The following GPATCH2 variants were observed in gnomAD, a reference collection of about 807,000 sequenced individuals.
GPATCH2 encodes G patch domain-containing protein 2.
Under a neutral mutation model 58.0 loss-of-function variants are expected in GPATCH2, and 51 were observed. The ratio of observed to expected loss-of-function variants is 0.88; its 90% CI spans 0.70 to 1.11. GPATCH2 has a LOEUF of 1.11. Ranked by LOEUF, GPATCH2 falls within the 50% of genes most tolerant of loss-of-function variation. The pLI, the probability that GPATCH2 is intolerant of heterozygous loss-of-function variation, is 0.00. For synonymous variants in GPATCH2, 222 were observed against 218.5 expected (o/e 1.02, Z -0.14); for missense variants, 625 against 652.2 (o/e 0.96, Z 0.45).
intron 5 of GPATCH2, among the ~76,000 whole-genome samples, chr1:217,570,717 G>A (rs569336780): frequency 1.2e-3 from 185 of 152,216 alleles, no homozygotes; most frequent in African/African-American, 4.2e-3. Flanking sequence ...GAAGACCTAG[G>A]AACAGAGACG....
chr1:217,484,557 T>TATAC (rs1661361759), intron 8 of GPATCH2, among the ~76,000 whole-genome samples: 1 of 13,460 alleles, frequency 7.4e-5, no homozygotes, highest in Non-Finnish European at 2.8e-4. Context: ...TATAATTATT[T>TATAC]ATATATATAT....
In GPATCH2 at chr1:217,491,674, G is replaced by T; in HGVS notation, c.1277+6C>A. ...AATGAATAAAAAGCGATTTTGAATT[G>T]CTTACCTGCTGGCTGTTCTCACAGA... On this transcript the variant is annotated splice_donor_region_variant and intron_variant, in intron 8 of 9. Transcript: ENST00000366935. 7.2e-7 allele frequency: 1 copy of T among 1,390,166 alleles called. No homozygotes were observed. The highest frequency in any genetic ancestry group is 1.0e-6 in the Non-Finnish European group (1 of 989,436). 86.1% of individuals were successfully genotyped at this position (1,390,166 alleles called of 1,614,324 possible).
intron 8 of GPATCH2, among the ~76,000 whole-genome samples, chr1:217,475,050 T>C (rs1660908802): frequency 1.3e-5 from 2 of 152,146 alleles, no homozygotes; most frequent in South Asian, 4.1e-4. Flanking sequence ...CCTTTTCAAG[T>C]TGCCCTGTGC....
At chr1:217,459,849 T>C (rs1660122513) in intron 8 of GPATCH2, among the ~76,000 whole-genome samples, 1 of 152,158 alleles carries the variant, frequency 6.6e-6, no homozygotes, top group South Asian at 2.1e-4. Context: ...TTTGTTGAAT[T>C]GACCTTTTAC....
At chr1:217,562,948 T>C (rs78093990) in intron 5 of GPATCH2, among the ~76,000 whole-genome samples, 5,547 of 152,292 alleles carry the variant, frequency 0.036, 119 homozygotes, top group Middle Eastern at 0.085. Flanking sequence ...AACACACTAT[T>C]TTTGTTCTAT....
chr1:217,614,214 A>T lies in GPATCH2; in HGVS notation c.774-12T>A. The T allele has an allele frequency of 6.7e-7, 1 of 1,499,780 alleles. No individual in the cohort carries two copies. The highest frequency in any genetic ancestry group is 9.3e-7 in the Non-Finnish European group (1 of 1,080,138). 92.9% of individuals were successfully genotyped at this position (1,499,780 alleles called of 1,614,324 possible). On this transcript the variant is annotated splice_polypyrimidine_tract_variant and intron_variant, in intron 2 of 9. Coordinates refer to ENST00000366935, the MANE Select transcript of GPATCH2 (RefSeq NM_018040.5). The stretch of plus-strand genomic sequence containing the variant: ...GACTGCTGGAATCACTGTAATAAGG[A>T]AAAAGAAAGAAACAGATCAAAAGAA...
intron 2 of GPATCH2, among the ~76,000 whole-genome samples, chr1:217,618,449 C>G (rs1351099125): frequency 2.6e-5 from 4 of 151,876 alleles, no homozygotes; most frequent in African/African-American, 9.7e-5. Flanking sequence ...CTCAGGTGAT[C>G]CACCAGCCTC....
chr1:217,525,147 TAAG>T (rs1049468633), intron 5 of GPATCH2, among the ~76,000 whole-genome samples: 3 of 151,868 alleles, frequency 2.0e-5, no homozygotes, highest in African/African-American at 7.2e-5. Context: ...ACATTTATTT[TAAG>T]AAGTGATTGT....
chr1:217,541,893 G>A (rs189507103), intron 5 of GPATCH2, among the ~76,000 whole-genome samples: 1 of 152,248 alleles, frequency 6.6e-6, no homozygotes, highest in East Asian at 1.9e-4. Flanking sequence ...GGAATAAAAT[G>A]TTCAAGCCTC....
At chr1:217,504,476 G>T (rs371028576) in intron 6 of GPATCH2, among the ~76,000 whole-genome samples, 1 of 152,160 alleles carries the variant, frequency 6.6e-6, no homozygotes, top group East Asian at 1.9e-4. Flanking sequence ...AACACTAACA[G>T]AAATAGTGGT....
At chr1:217,591,139 C>T (rs1667570485) in intron 5 of GPATCH2, among the ~76,000 whole-genome samples, 1 of 152,052 alleles carries the variant, frequency 6.6e-6, no homozygotes, top group South Asian at 2.1e-4. Context: ...GAAAAGTTAA[C>T]TGTTAAACAG....
chr1:217,531,753 A>G lies in GPATCH2; in HGVS notation c.1099-16864T>C, dbSNP rs186380781. Among the ~76,000 whole-genome samples the G allele has an allele frequency of 2.6e-4, 39 of 152,314 alleles. No homozygotes were observed. The East Asian group carries it at 7.5e-3, about 29-fold the overall frequency. On this transcript the variant is annotated intron_variant, in intron 5 of 9. Coordinates refer to ENST00000366935, the MANE Select transcript of GPATCH2 (RefSeq NM_018040.5). ...TACAAGAAAAAAGAAAAATTGCTGA[A>G]TTATCTTCCTGGGTAGCACACTGTT...
At chr1:217,575,319 C>T (rs1425798039) in intron 5 of GPATCH2, among the ~76,000 whole-genome samples, 1 of 152,140 alleles carries the variant, frequency 6.6e-6, no homozygotes, top group Non-Finnish European at 1.5e-5. Flanking sequence ...GAAACAGCCA[C>T]AGGAATGATG....
At chr1:217,540,382 T>C (rs751562691) in intron 5 of GPATCH2, among the ~76,000 whole-genome samples, 9 of 152,168 alleles carry the variant, frequency 5.9e-5, no homozygotes, top group Non-Finnish European at 1.3e-4. Flanking sequence ...AGCCCTATGA[T>C]AACAATTTAT....
chr1:217,573,517 C>G (rs575652028), intron 5 of GPATCH2, among the ~76,000 whole-genome samples: 1 of 152,240 alleles, frequency 6.6e-6, no homozygotes, highest in African/African-American at 2.4e-5. Flanking sequence ...TGATAAGTAT[C>G]TGAACCATTT....
chr1:217,586,648 G>A (rs1229839157), intron 5 of GPATCH2, among the ~76,000 whole-genome samples: 2 of 152,162 alleles, frequency 1.3e-5, no homozygotes, highest in East Asian at 1.9e-4. Context: ...TAGTAAACAT[G>A]TAAACCTACT....
At chr1:217,557,523 G>C (rs537506961) in intron 5 of GPATCH2, among the ~76,000 whole-genome samples, 3 of 151,750 alleles carry the variant, frequency 2.0e-5, no homozygotes, top group Middle Eastern at 3.4e-3. Flanking sequence ...TGAGGTCATA[G>C]AGTTGTTCTC....
intron 5 of GPATCH2, among the ~76,000 whole-genome samples, chr1:217,546,044 AG>A (rs1446881666): frequency 2.0e-5 from 3 of 152,150 alleles, no homozygotes; most frequent in Non-Finnish European, 4.4e-5. Flanking sequence ...TATATCACAA[AG>A]TTTTAATTTT....
chr1:217,565,795 A>G (rs1398156462), intron 5 of GPATCH2, among the ~76,000 whole-genome samples: 1 of 152,062 alleles, frequency 6.6e-6, no homozygotes, highest in Non-Finnish European at 1.5e-5. Flanking sequence ...ATCCAACCTA[A>G]TATCTACAGT....
Sources: gnomAD v4.1 joint callset for allele counts (sites outside exome capture counted in the v4.1 genomes callset) on GRCh38, gnomAD v4.1.1 for gene constraint, MANE v1.5 for transcripts, NCBI Gene and HGNC (gene_info 2026-07-23, HGNC 2026-07-21) for gene names.